The following DNAH8 variants were observed in gnomAD, a reference collection of about 807,000 sequenced individuals.
DNAH8 encodes the protein axonemal beta dynein heavy chain 8.
A neutral mutation model predicts 562.1 loss-of-function variants in DNAH8; 382 were observed. That is an observed-to-expected ratio of 0.68 (90% CI 0.63 to 0.74). DNAH8 has a LOEUF of 0.74. DNAH8 is among the 30% of genes least tolerant of loss of function. The pLI is 0.00. For synonymous variants in DNAH8, 1,881 were observed against 1,919.4 expected, an observed-to-expected ratio of 0.98 and a Z score of 0.52; for missense variants, 5,203 against 5,620.4, an observed-to-expected ratio of 0.93 and a Z score of 2.37.
intron 24 of DNAH8, among the ~76,000 whole-genome samples, chr6:38,808,490 A>G (rs1369913031): frequency 6.6e-6 from 1 of 152,182 alleles, no homozygotes; most frequent in Non-Finnish European, 1.5e-5. Flanking sequence ...CTCTTCCTTA[A>G]AAGTTGTGTT....
chr6:38,743,007 C>CTTTTTTTTTTTTT (rs11340457), intron 8 of DNAH8, among the ~76,000 whole-genome samples: 7 of 52,004 alleles, frequency 1.3e-4, no homozygotes, highest in African/African-American at 5.6e-4. Context: ...TGTTGTTGTG[C>CTTTTTTTTTTTTT]TTTTTTTTTT....
intron 91 of DNAH8, among the ~76,000 whole-genome samples, chr6:39,015,670 A>G (rs1422421466): frequency 6.6e-6 from 1 of 152,160 alleles, no homozygotes; most frequent in Non-Finnish European, 1.5e-5. Flanking sequence ...TTCATAAATT[A>G]CCCAGTTTCG....
chr6:38,906,651 A>G (rs1197952941), intron 63 of DNAH8, among the ~76,000 whole-genome samples: 1 of 152,180 alleles, frequency 6.6e-6, no homozygotes, highest in Non-Finnish European at 1.5e-5. Context: ...CTTTGGTCTT[A>G]TAATTTATTT....
At chr6:38,908,537 A>G (rs1780653936) in intron 64 of DNAH8, among the ~76,000 whole-genome samples, 1 of 152,142 alleles carries the variant, frequency 6.6e-6, no homozygotes, top group Non-Finnish European at 1.5e-5. Flanking sequence ...TTGATTAATT[A>G]GCCTCATTTC....
In DNAH8 at chr6:38,918,082, C is replaced by G; in HGVS notation, c.10466C>G (p.Ser3489Cys). The G allele has an allele frequency of 1.9e-6, 3 of 1,613,828 alleles. No homozygotes were observed. Among genetic ancestry groups the G allele is most frequent in the Non-Finnish European group, 2.5e-6 (3 of 1,179,878 alleles). Residue 3489 changes from serine (S) to cysteine (C), a missense_variant, in exon 70 of 93, where the codon TCT becomes TGT. Around this residue, in one of 6 missense-constraint regions of DNAH8, gnomAD observed 1,399 missense variants for 1,518.4 expected, o/e 0.92. Transcript: ENST00000327475. ...KVCGNVAGLL[S>C]WTLAMAIFYG... ...TGTGGGAATGTGGCTGGTCTCCTGTCTTGGACACTTGCTATGGCAATATTT... is the reference window on the plus strand; with the variant it reads ...TGTGGGAATGTGGCTGGTCTCCTGTGTTGGACACTTGCTATGGCAATATTT...
chr6:38,764,720 T>C (rs1273090814), intron 11 of DNAH8: 1 of 152,094 alleles, frequency 6.6e-6, no homozygotes, highest in Middle Eastern at 3.2e-3. Context: ...CTTTGTTGTG[T>C]ATGCATTTAA....
intron 8 of DNAH8, among the ~76,000 whole-genome samples, chr6:38,742,424 A>T (rs1387377111): frequency 2.0e-5 from 3 of 151,942 alleles, no homozygotes; most frequent in African/African-American, 7.3e-5. Flanking sequence ...CAGCCTCCTG[A>T]GTAGCTGGGA....
At chr6:38,814,941 C>G (rs753190067) in intron 25 of DNAH8, among the ~76,000 whole-genome samples, 6 of 152,142 alleles carry the variant, frequency 3.9e-5, no homozygotes, top group Non-Finnish European at 8.8e-5. Flanking sequence ...CTGCATTCTG[C>G]GATGGGTCAA....
intron 57 of DNAH8, among the ~76,000 whole-genome samples, chr6:38,887,956 C>A (rs1187766501): frequency 6.6e-6 from 1 of 151,100 alleles, no homozygotes; most frequent in South Asian, 2.1e-4. Flanking sequence ...CCTGCCTCAG[C>A]CTCCCAATTA....
chr6:38,719,925 T>C (rs1462176222), intron 1 of DNAH8, among the ~76,000 whole-genome samples: 1 of 151,982 alleles, frequency 6.6e-6, no homozygotes, highest in Non-Finnish European at 1.5e-5. Context: ...CACCAGAAAA[T>C]GGAAACAAAT....
At position 38,862,421 on chromosome 6, in the gene DNAH8, T is replaced by A. The variant is rs146195264; in HGVS notation, c.6273T>A (p.Asp2091Glu). ...ATGTGGTCGTGTTCAATTGCTCAGA[T>A]CAAATGGATTTCAGAGGCCTAGGAA... ...GKYVVVFNCS[D>E]QMDFRGLGRI... The change falls in exon 44 of 93, where the codon GAT becomes GAA. Residue 2091 changes from aspartate to glutamate, a missense_variant. This residue lies in a region of DNAH8 where 2,176 missense variants were observed against 2,365.1 expected (regional missense o/e 0.92). Transcript: ENST00000327475. 1.2e-6 allele frequency: 2 copies of A among 1,613,946 alleles called. No homozygotes were observed.
At chr6:39,030,036 C>A in intron 92 of DNAH8, 69 bp from the exon 93 acceptor site, 1 of 1,302,402 alleles carries the variant, frequency 7.7e-7, no homozygotes, top group Non-Finnish European at 1.1e-6. Context: ...AACTGACAGC[C>A]TTTATGACTA....
chr6:38,763,637 A>ACGGCG, intron 11 of DNAH8: 1 of 172,938 alleles, frequency 5.8e-6, no homozygotes, highest in Non-Finnish European at 1.2e-5. Context: ...AACATGATGA[A>ACGGCG]ACCCTGTCTC....
Position 38,782,458 on chromosome 6 carries a change from T to C in DNAH8, c.2260-546T>C, listed in dbSNP as rs1449764750. Among the ~76,000 whole-genome samples, 4 of 152,214 alleles carry C rather than the reference T, an allele frequency of 2.6e-5. No individual in the cohort carries two copies. In the East Asian group the frequency reaches 7.7e-4, roughly 29 times the overall value. ...ACCATGCCTGGCTAATTTTTTTGTA[T>C]TTTTAGAGAGACAGCGTTTCACTAT... is the stretch of plus-strand genomic sequence containing the variant. On this transcript the variant is annotated intron_variant, in intron 16 of 92. Coordinates refer to ENST00000327475, the MANE Select transcript of DNAH8 (RefSeq NM_001206927.2).
chr6:38,858,745 T>C (rs544060431), intron 42 of DNAH8, among the ~76,000 whole-genome samples: 6 of 152,240 alleles, frequency 3.9e-5, no homozygotes, highest in African/African-American at 9.6e-5. Context: ...TGCACACTTA[T>C]ATTGTTTTGG....
chr6:38,847,533 T>A (rs1171905577), intron 36 of DNAH8, among the ~76,000 whole-genome samples: 1 of 152,054 alleles, frequency 6.6e-6, no homozygotes, highest in Non-Finnish European at 1.5e-5. Flanking sequence ...CCTACCTCCT[T>A]AGAGCAATTT....
chr6:38,936,130 C>T (rs181146582), intron 77 of DNAH8, among the ~76,000 whole-genome samples: 7 of 151,928 alleles, frequency 4.6e-5, no homozygotes, highest in African/African-American at 1.7e-4. Flanking sequence ...GGGTGGATCA[C>T]CTGAGGTCAG....
intron 25 of DNAH8, among the ~76,000 whole-genome samples, chr6:38,814,578 CA>C (rs35179985): frequency 3.2e-4 from 47 of 145,240 alleles, no homozygotes; most frequent in Admixed American, 3.4e-4. Context: ...AAGACTCTGT[CA>C]AAAAAAAAAA....
intron 15 of DNAH8, 134 bp from the exon 16 acceptor site, chr6:38,781,120 A>C (rs538152422): frequency 1.2e-6 from 1 of 850,264 alleles, no homozygotes; most frequent in African/African-American, 1.7e-5. Context: ...TTGGATGTGC[A>C]TTTACATATT....
Sources: allele counts gnomAD v4.1 joint callset (sites outside exome capture counted in the v4.1 genomes callset), GRCh38; gene constraint gnomAD v4.1.1; regional missense constraint gnomAD v4.1.1; transcripts MANE v1.5; gene names NCBI Gene and HGNC (gene_info 2026-07-23, HGNC 2026-07-21).